Variants in RBM11 observed in about 807,000 individuals in gnomAD.
The protein encoded by RBM11 is RNA binding motif protein 11.
RBM11 carries 18 observed loss-of-function variants against 21.4 expected under a neutral mutation model. The ratio of observed to expected loss-of-function variants is 0.84; its 90% CI spans 0.58 to 1.25. The LOEUF (loss-of-function observed/expected upper bound fraction) is 1.25. Ranked by LOEUF, RBM11 falls within the 50% of genes most tolerant of loss-of-function variation. The probability of loss-of-function intolerance (pLI) is 0.00; values close to 1 mark genes in which losing one functional copy is unlikely to be tolerated. For synonymous variants in RBM11, 120 were observed against 116.3 expected, an observed-to-expected ratio of 1.03 and a Z score of -0.20; for missense variants, 294 against 331.9, an observed-to-expected ratio of 0.89 and a Z score of 0.89.
chr21:14,221,213 T>C, intron 3 of RBM11, 44 bp downstream of exon 3: 1 of 1,503,830 alleles, frequency 6.6e-7, no homozygotes, highest in Non-Finnish European at 8.8e-7. Flanking sequence ...GCAAATATAT[T>C]TTTATGCCAA....
In RBM11 at chr21:14,216,236, T is replaced by C. The variant is rs2020438912; in HGVS notation, c.50T>C (p.Leu17Ser). ...GACAGGACCGTGTTTGTTGGGAATT[T>C]AGAGGCCCGAGTTCGGGAAGAGATT... ...EADRTVFVGN[L>S]EARVREEILY... The change falls in exon 1 of 5, where the codon TTA (leucine) becomes TCA (serine). Residue 17 changes from leucine to serine, a missense_variant. By Grantham distance (145) the Leu-to-Ser change is moderately radical (BLOSUM62 -2). Around this residue, in one of 2 missense-constraint regions of RBM11, gnomAD observed 181 missense variants for 164.6 expected, o/e 1.10. Transcript: ENST00000400577. The C allele has an allele frequency of 2.5e-6, 4 of 1,613,738 alleles. No homozygotes were observed. Among genetic ancestry groups the C allele is most frequent in the African/African-American group, 1.3e-5 (1 of 74,946 alleles).
chr21:14,222,545 A>G (rs962688165), intron 3 of RBM11, among the ~76,000 whole-genome samples: 6 of 152,146 alleles, frequency 3.9e-5, no homozygotes, highest in Admixed American at 3.9e-4. Context: ...TCAGAGCATT[A>G]TTGCACCCCA....
chr21:14,225,213 C>A (rs1270973651), intron 4 of RBM11, among the ~76,000 whole-genome samples: 1 of 152,042 alleles, frequency 6.6e-6, no homozygotes, highest in Non-Finnish European at 1.5e-5. Flanking sequence ...TGCTTTTGGA[C>A]ATGGATTTTT....
chr21:14,222,161 C>A (rs995576392), intron 3 of RBM11, among the ~76,000 whole-genome samples: 3 of 151,610 alleles, frequency 2.0e-5, no homozygotes, highest in Non-Finnish European at 4.4e-5. Context: ...CTTACACAGG[C>A]TGATAGAATA....
At position 14,226,944 on chromosome 21, in the gene RBM11, A is replaced by G. The variant is rs770333855; in HGVS notation, c.497A>G (p.Asn166Ser). The change falls in exon 5 of 5, where the codon AAT becomes AGT. Residue 166 changes from asparagine (N) to serine (S), a missense_variant. Physicochemically the swap from Asn to Ser is conservative, Grantham distance 46. Transcript: ENST00000400577. ...TATGAAATGACAGCTCCACTTCCTA[A>G]TAGTGCATCCGTGTCTTCCTCACTG... is the stretch of plus-strand genomic sequence containing the variant. ...PYYEMTAPLPNSASVSSSLNH... is the reference protein window; with the variant it reads ...PYYEMTAPLPSSASVSSSLNH... 6.2e-7 allele frequency: 1 copy of G among 1,613,774 alleles called. No homozygotes were observed. The highest frequency in any genetic ancestry group is 2.2e-5 in the East Asian group (1 of 44,878).
At position 14,217,813 on chromosome 21, in the gene RBM11, C is replaced by CA. The variant is rs567249987; in HGVS notation, c.96+1538dup. On this transcript the variant is annotated intron_variant, in intron 1 of 4. Transcript: ENST00000400577. The stretch of plus-strand genomic sequence containing the variant: ...GAAGACTTCTTTCACTTTGAGCCTC[C>CA]AAAAAAAGGAGAGTGGAAGACTGGG... 2.0e-5 allele frequency among the ~76,000 whole-genome samples: 3 copies of CA among 151,972 alleles called. No individual in the cohort carries two copies. In the South Asian group the frequency reaches 6.2e-4, roughly 32 times the overall value.
intron 1 of RBM11, among the ~76,000 whole-genome samples, chr21:14,216,804 G>A (rs1361136957): frequency 2.0e-5 from 3 of 152,124 alleles, no homozygotes; most frequent in East Asian, 1.9e-4. Flanking sequence ...CCTGGACAAG[G>A]CCCTTTAATT....
At chr21:14,221,314 G>A in intron 3 of RBM11, 145 bp downstream of exon 3, 1 of 969,138 alleles carries the variant, frequency 1.0e-6, no homozygotes, top group African/African-American at 1.7e-5. Flanking sequence ...CCGAGCCCAT[G>A]AAAAGTGATA....
intron 3 of RBM11, among the ~76,000 whole-genome samples, chr21:14,223,344 G>C (rs1192387124): frequency 2.0e-5 from 3 of 152,104 alleles, no homozygotes; most frequent in Admixed American, 2.0e-4. Flanking sequence ...TATGCTTCTT[G>C]TTGTTTCTTG....
At chr21:14,222,352 A>G (rs1044012606) in intron 3 of RBM11, among the ~76,000 whole-genome samples, 5 of 152,120 alleles carry the variant, frequency 3.3e-5, no homozygotes, top group African/African-American at 1.2e-4. Flanking sequence ...CTACATTTCT[A>G]ATGTTTATCA....
intron 1 of RBM11, among the ~76,000 whole-genome samples, chr21:14,217,892 A>G (rs930351521): frequency 1.3e-5 from 2 of 152,194 alleles, no homozygotes; most frequent in African/African-American, 4.8e-5. Flanking sequence ...GACTCGATCA[A>G]TATCAGTTGT....
chr21:14,226,372 G>A (rs1035814445), intron 4 of RBM11, among the ~76,000 whole-genome samples: 13 of 151,998 alleles, frequency 8.6e-5, no homozygotes, highest in African/African-American at 3.1e-4. Context: ...TAATCCCAGA[G>A]CTTTAGGAGG....
Position 14,224,447 on chromosome 21 carries a change from A to T in RBM11, c.342A>T (p.Glu114Asp), listed in dbSNP as rs373721440. Residue 114 changes from glutamate to aspartate, a missense_variant, in exon 4 of 5, where the codon GAA becomes GAT. Coordinates refer to ENST00000400577, the MANE Select transcript of RBM11 (RefSeq NM_144770.5). ...KINSHNYRNE[E>D]MLVGRSSFPM... ...TTTCATCTCCTCAAAGGAATGAAGA[A>T]ATGTTGGTGGGCAGATCTTCCTTTC... 55 of 1,557,662 alleles carry T rather than the reference A, an allele frequency of 3.5e-5. No individual in the cohort carries two copies. Among genetic ancestry groups the T allele is most frequent in the Non-Finnish European group, 4.4e-5 (51 of 1,149,910 alleles).
intron 3 of RBM11, chr21:14,221,371 G>A: frequency 1.8e-6 from 1 of 545,158 alleles, no homozygotes. Context: ...TCAGTAGTAG[G>A]GGGTAGAGAC....
At chr21:14,226,770 A>C (rs1052244940) in intron 4 of RBM11, 110 bp from the exon 5 acceptor site, 1 of 1,440,460 alleles carries the variant, frequency 6.9e-7, no homozygotes, top group Non-Finnish European at 9.3e-7. Context: ...TTCTTATACC[A>C]AAACACAGTT....
At chr21:14,221,480 T>C (rs191041849) in intron 3 of RBM11, 19 of 176,888 alleles carry the variant, frequency 1.1e-4, no homozygotes, top group Admixed American at 6.9e-4. Context: ...GATACTGTTA[T>C]TTATATTTTA....
Position 14,216,172 on chromosome 21 carries a change from G to C in RBM11, c.-15G>C. ...GGTCTCAGCTCCTACTTCATTCTAC[G>C]GCCGAGACCGGAGGATGTTCCCTGC... On this transcript the variant is annotated 5_prime_UTR_variant, in exon 1 of 5. Transcript: ENST00000400577. 4 of 1,608,168 alleles carry C rather than the reference G, an allele frequency of 2.5e-6. No individual in the cohort carries two copies. Among genetic ancestry groups the C allele is most frequent in the South Asian group, 1.1e-5 (1 of 90,412 alleles).
intron 1 of RBM11, among the ~76,000 whole-genome samples, chr21:14,219,200 T>C (rs943388430): frequency 2.6e-5 from 4 of 152,202 alleles, no homozygotes; most frequent in Non-Finnish European, 4.4e-5. Flanking sequence ...CTCATTTCAG[T>C]TATTTTTTGA....
chr21:14,218,895 TATTTATA>T (rs1414486097), intron 1 of RBM11, among the ~76,000 whole-genome samples: 1 of 152,146 alleles, frequency 6.6e-6, no homozygotes, highest in African/African-American at 2.4e-5. Flanking sequence ...ATAATCTGAA[TATTTATA>T]ATTTATATTT....
Sources: gnomAD v4.1 joint callset for allele counts (sites outside exome capture counted in the v4.1 genomes callset) on GRCh38, gnomAD v4.1.1 for gene constraint, gnomAD v4.1.1 regional missense constraint, MANE v1.5 for transcripts, NCBI Gene and HGNC (gene_info 2026-07-23, HGNC 2026-07-21) for gene names.